Variants in SEMA6D observed in about 807,000 individuals in gnomAD.
SEMA6D encodes the protein semaphorin-6D.
In SEMA6D, 35 loss-of-function variants were observed where a neutral mutation model predicts 106.6. The observed-to-expected ratio is 0.33, with a 90% CI of 0.25 to 0.44. SEMA6D has a LOEUF of 0.44. SEMA6D is among the 20% of genes least tolerant of loss of function. The probability of loss-of-function intolerance (pLI) is 1.00; values close to 1 mark genes in which losing one functional copy is unlikely to be tolerated. For missense variants in SEMA6D, 1,185 were observed against 1,345.9 expected, an observed-to-expected ratio of 0.88 and a Z score of 1.87; for synonymous variants, 499 against 487.7, an observed-to-expected ratio of 1.02 and a Z score of -0.31.
rs1241023433 is a variant in SEMA6D at position 47,450,484 on chromosome 15, G to A, written c.-158-19990G>A. Among the ~76,000 whole-genome samples, 3 of 152,044 alleles carry A rather than the reference G, an allele frequency of 2.0e-5. No individual in the cohort carries two copies. The South Asian group carries it at 6.2e-4, about 32-fold the overall frequency. On this transcript the variant is annotated intron_variant, in intron 2 of 19. Transcript: ENST00000558014. Reference sequence around the variant, plus strand: ...GTGTGTCCCTATGGCAGGGGTGTCTGTGAAGGCCTGACTTAAAGGAGGTGG... The same window carrying A: ...GTGTGTCCCTATGGCAGGGGTGTCTATGAAGGCCTGACTTAAAGGAGGTGG...
intron 3 of SEMA6D, among the ~76,000 whole-genome samples, chr15:47,595,737 A>G (rs117776718): frequency 0.014 from 2,093 of 152,140 alleles, 24 homozygotes; most frequent in South Asian, 0.022. Context: ...TTTATTGTTG[A>G]TTCAGTCTCC....
chr15:47,483,878 T>C (rs934687166), intron 3 of SEMA6D, among the ~76,000 whole-genome samples: 7 of 152,124 alleles, frequency 4.6e-5, no homozygotes, highest in African/African-American at 1.7e-4. Flanking sequence ...TTTCTGTTTC[T>C]TGGAGCTTCT....
intron 3 of SEMA6D, among the ~76,000 whole-genome samples, chr15:47,559,207 G>GA (rs1478223007): frequency 3.3e-5 from 5 of 152,022 alleles, no homozygotes; most frequent in African/African-American, 1.2e-4. Context: ...CACGAATATT[G>GA]AAAAAAAGTC....
At chr15:47,433,990 C>T (rs1398956024) in intron 2 of SEMA6D, among the ~76,000 whole-genome samples, 1 of 152,020 alleles carries the variant, frequency 6.6e-6, no homozygotes, top group Admixed American at 6.6e-5. Context: ...AGGTTTTCAG[C>T]AAGAAGTAAG....
chr15:47,216,754 A>G (rs2030657012), intron 1 of SEMA6D, among the ~76,000 whole-genome samples: 1 of 152,086 alleles, frequency 6.6e-6, no homozygotes, highest in African/African-American at 2.4e-5. Context: ...TGACCAGTAG[A>G]TATATAAAAA....
intron 2 of SEMA6D, among the ~76,000 whole-genome samples, chr15:47,451,855 G>C (rs1284507540): frequency 6.6e-6 from 1 of 151,878 alleles, no homozygotes; most frequent in Non-Finnish European, 1.5e-5. Flanking sequence ...ACATGCTGTT[G>C]GTCTTGATTT....
chr15:47,640,072 A>G (rs2077461253), intron 4 of SEMA6D, among the ~76,000 whole-genome samples: 1 of 152,138 alleles, frequency 6.6e-6, no homozygotes, highest in Non-Finnish European at 1.5e-5. Flanking sequence ...AATAGGAGAC[A>G]CTGAATGCAG....
intron 1 of SEMA6D, among the ~76,000 whole-genome samples, chr15:47,297,072 A>G (rs2035832462): frequency 6.6e-6 from 1 of 152,170 alleles, no homozygotes; most frequent in African/African-American, 2.4e-5. Context: ...GTCTTATTCA[A>G]GGGCACACAA....
intron 3 of SEMA6D, among the ~76,000 whole-genome samples, chr15:47,569,922 G>A (rs142710790): frequency 1.3e-3 from 196 of 151,984 alleles, no homozygotes; most frequent in South Asian, 5.4e-3. Flanking sequence ...TTAGACGGGC[G>A]TGGTGGTGGG....
At chr15:47,688,001 A>G (rs2078505652) in intron 4 of SEMA6D, among the ~76,000 whole-genome samples, 1 of 152,196 alleles carries the variant, frequency 6.6e-6, no homozygotes, top group Admixed American at 6.5e-5. Flanking sequence ...GATACAGTTG[A>G]ACATAAGAAC....
chr15:47,598,753 G>T (rs1490206484), intron 3 of SEMA6D, among the ~76,000 whole-genome samples: 3 of 152,072 alleles, frequency 2.0e-5, no homozygotes, highest in Non-Finnish European at 4.4e-5. Context: ...CCTTTTTCAG[G>T]AATTTACAGA....
chr15:47,408,728 G>T (rs2040682875), intron 1 of SEMA6D, among the ~76,000 whole-genome samples: 2 of 152,218 alleles, frequency 1.3e-5, no homozygotes, highest in Admixed American at 1.3e-4. Flanking sequence ...ATGCTGTTAG[G>T]TTTAACGAAA....
intron 1 of SEMA6D, among the ~76,000 whole-genome samples, chr15:47,354,193 CTCTCTCTATATATATATATA>C (rs747566522): frequency 0.026 from 392 of 15,214 alleles, 5 homozygotes; most frequent in South Asian, 0.061. Context: ...CTCTCTCTCT[CTCTCTCTATATATATATATA>C]TATATATATA....
intron 4 of SEMA6D, among the ~76,000 whole-genome samples, chr15:47,694,421 A>G (rs958200771): frequency 1.3e-5 from 2 of 152,080 alleles, no homozygotes; most frequent in African/African-American, 4.8e-5. Flanking sequence ...CAATTTGAGA[A>G]CTTAAGACTC....
At chr15:47,221,244 A>C (rs6493266) in intron 1 of SEMA6D, among the ~76,000 whole-genome samples, 66,108 of 152,074 alleles carry the variant, frequency 0.43, 15,331 homozygotes, top group African/African-American at 0.58. Flanking sequence ...AATTCACCTA[A>C]AGTAGCTGGG....
intron 4 of SEMA6D, among the ~76,000 whole-genome samples, chr15:47,680,830 A>G (rs567950844): frequency 3.9e-5 from 6 of 152,246 alleles, no homozygotes; most frequent in Non-Finnish European, 8.8e-5. Flanking sequence ...CAACAGGTCT[A>G]TAGAAAGATT....
chr15:47,441,357 T>A (rs1410391917), intron 2 of SEMA6D, among the ~76,000 whole-genome samples: 1 of 151,958 alleles, frequency 6.6e-6, no homozygotes, highest in African/African-American at 2.4e-5. Flanking sequence ...TGGACAGAAG[T>A]CAAAAGTAAA....
chr15:47,464,837 A>G (rs1239731698), intron 2 of SEMA6D, among the ~76,000 whole-genome samples: 3 of 152,176 alleles, frequency 2.0e-5, no homozygotes, highest in African/African-American at 7.2e-5. Context: ...TGACAGTCCC[A>G]TGGATTGCTC....
chr15:47,315,228 T>C (rs536179539), intron 1 of SEMA6D, among the ~76,000 whole-genome samples: 1 of 152,200 alleles, frequency 6.6e-6, no homozygotes, highest in East Asian at 1.9e-4. Context: ...ATGCAGATTA[T>C]GTTTGCATTT....
Sources: allele counts gnomAD v4.1 joint callset (sites outside exome capture counted in the v4.1 genomes callset), GRCh38; gene constraint gnomAD v4.1.1; transcripts MANE v1.5; gene names NCBI Gene and HGNC (gene_info 2026-07-23, HGNC 2026-07-21).